SPATA7: variants seen among roughly 807,000 people sequenced by gnomAD.
SPATA7 encodes spermatogenesis-associated protein 7.
A neutral mutation model predicts 51.8 loss-of-function variants in SPATA7; 43 were observed. The observed-to-expected ratio is 0.83, with a 90% CI of 0.65 to 1.07. The LOEUF is 1.07. SPATA7 is among the 50% of genes least tolerant of loss of function. The probability of loss-of-function intolerance (pLI) is 0.00; values close to 1 mark genes in which losing one functional copy is unlikely to be tolerated. For missense variants in SPATA7, 683 were observed against 701.3 expected, an observed-to-expected ratio of 0.97 and a Z score of 0.30; for synonymous variants, 230 against 252.8, an observed-to-expected ratio of 0.91 and a Z score of 0.86.
intron 4 of SPATA7, chr14:88,406,564 C>A (rs949494031): frequency 6.6e-6 from 1 of 151,664 alleles, no homozygotes; most frequent in Non-Finnish European, 1.5e-5. Context: ...CATTTGTATA[C>A]AGTTTCTTTA....
chr14:88,459,524 G>C (rs1171052119), downstream of SPATA7, among the ~76,000 whole-genome samples: 1 of 152,120 alleles, frequency 6.6e-6, no homozygotes, highest in African/African-American at 2.4e-5. Context: ...TGTTTTATCA[G>C]AGACTAGGAT....
Position 88,429,328 on chromosome 14 carries a change from T to A in SPATA7, c.913-20T>A, listed in dbSNP as rs1471193378. 2 of 1,472,876 alleles carry A rather than the reference T, an allele frequency of 1.4e-6. No individual in the cohort carries two copies. The allele number at this position is 1,472,876 out of a possible 1,614,324, so 91.2% of individuals were successfully genotyped here. Reference sequence around the variant, plus strand: ...TGTATTTTTAAGCAAAAATAAATATTTTTTTTATTGCATCCCCAGGCATCT... The same window carrying A: ...TGTATTTTTAAGCAAAAATAAATATATTTTTTATTGCATCCCCAGGCATCT... On this transcript the variant is annotated intron_variant, in intron 7 of 11. Transcript: ENST00000393545.
intron 4 of SPATA7, among the ~76,000 whole-genome samples, chr14:88,461,145 A>C (rs930949126): frequency 3.3e-5 from 5 of 152,048 alleles, no homozygotes; most frequent in Admixed American, 1.3e-4. Flanking sequence ...CAGTTAGGCT[A>C]CTCGGGGGTC....
chr14:88,437,909 GCAAA>G lies in SPATA7; in HGVS notation c.1288_1291del (p.Gln430MetfsTer6). 1 of 1,611,936 alleles carries G rather than the reference GCAAA, an allele frequency of 6.2e-7. No individual in the cohort carries two copies. Among genetic ancestry groups the G allele is most frequent in the Non-Finnish European group, 8.5e-7 (1 of 1,178,814 alleles). On this transcript the variant is annotated frameshift_variant, in exon 12 of 12. Coordinates refer to ENST00000393545, the MANE Select transcript of SPATA7 (RefSeq NM_018418.5). LOFTEE classifies it low-confidence loss of function (END_TRUNC). Reference sequence around the variant, plus strand: ...GCACATCGGAGGAAAACTCGGTAAAGCAAAATGATGTTGATATGTTGAATGTATT... The same window carrying G: ...GCACATCGGAGGAAAACTCGGTAAAGATGATGTTGATATGTTGAATGTATT...
rs2077427490 is a variant in SPATA7, at chr14:88,469,735, T to C, written c.255-112T>C. On this transcript the variant is annotated intron_variant, in intron 4 of 4. Coordinates refer to the SPATA7 transcript ENST00000556406. The surrounding 1 kb of genome is among the most constrained non-coding windows in gnomAD (Gnocchi z 4.3). ...AAAGCTCTTCTCCCTTCCACCCTCC[T>C]GTTAAAGATGAGCATGGTTAAATGA... 6.2e-7 allele frequency: 1 copy of C among 1,613,820 alleles called. No homozygotes were observed. Among genetic ancestry groups the C allele is most frequent in the Non-Finnish European group, 8.5e-7 (1 of 1,179,720 alleles).
chr14:88,455,635 T>G (rs1026158114), downstream of SPATA7, among the ~76,000 whole-genome samples: 1 of 152,146 alleles, frequency 6.6e-6, no homozygotes, highest in African/African-American at 2.4e-5. Context: ...TATAAACTTT[T>G]ACATTATTGA....
chr14:88,469,099 A>T lies in SPATA7; in HGVS notation c.255-748A>T. 6.3e-7 allele frequency: 1 copy of T among 1,599,332 alleles called. No individual in the cohort carries two copies. The highest frequency in any genetic ancestry group is 1.1e-5 in the South Asian group (1 of 89,934). On this transcript the variant is annotated intron_variant, in intron 4 of 4. Transcript: ENST00000556406. The surrounding 1 kb of genome is among the most constrained non-coding windows in gnomAD (Gnocchi z 4.3). ...ATGCTGTGGAAAATCAATGAAATAG[A>T]AAAGTACTCAAGGATCAAGGCGTAT...
At chr14:88,456,079 T>C (rs565025001), downstream of SPATA7, among the ~76,000 whole-genome samples, 1 of 152,282 alleles carries the variant, frequency 6.6e-6, no homozygotes, top group African/African-American at 2.4e-5. Flanking sequence ...GGCTGCATAG[T>C]ATTCCATGGT....
chr14:88,397,169 C>T (rs562492637), intron 4 of SPATA7, among the ~76,000 whole-genome samples: 10 of 152,260 alleles, frequency 6.6e-5, no homozygotes, highest in East Asian at 1.9e-4. Context: ...GGATTATAGG[C>T]GTGAGCCACT....
At chr14:88,468,648 G>C (rs957094846) in intron 4 of SPATA7, among the ~76,000 whole-genome samples, 1 of 152,088 alleles carries the variant, frequency 6.6e-6, no homozygotes, top group Admixed American at 6.5e-5. Flanking sequence ...AACAGAAAAA[G>C]AATTCTGAGC....
At position 88,388,201 on chromosome 14, in the gene SPATA7, CA is replaced by C. The variant is rs374662310; in HGVS notation, c.19+2374del. The stretch of plus-strand genomic sequence containing the variant: ...TGGGCAACAGAGCAAGACTCCATCT[CA>C]AAAAAAAAATTGTTTTGATCTGTTG... On this transcript the variant is annotated intron_variant, in intron 1 of 11. Transcript: ENST00000393545. Among the ~76,000 whole-genome samples the C allele has an allele frequency of 5.4e-3, 811 of 149,550 alleles. 3 individuals are homozygous for C. The highest frequency in any genetic ancestry group is 0.019 in the African/African-American group (763 of 40,830).
At chr14:88,409,058 C>T (rs1422948322) in intron 4 of SPATA7, among the ~76,000 whole-genome samples, 1 of 152,042 alleles carries the variant, frequency 6.6e-6, no homozygotes, top group Non-Finnish European at 1.5e-5. Context: ...GGAATATTGG[C>T]CTGAAATTTT....
chr14:88,453,291 G>A (rs555587021), intron 3 of SPATA7, among the ~76,000 whole-genome samples: 7 of 152,316 alleles, frequency 4.6e-5, no homozygotes, highest in African/African-American at 1.7e-4. Context: ...TACTCAGAAA[G>A]TTCAGGTTCC....
intron 10 of SPATA7, among the ~76,000 whole-genome samples, 187 bp from the exon 11 acceptor site, chr14:88,437,356 T>C (rs1022148818): frequency 6.6e-6 from 1 of 152,078 alleles, no homozygotes; most frequent in Non-Finnish European, 1.5e-5. Context: ...TTCAGAAATA[T>C]GTAATGTGAA....
At chr14:88,417,256 C>A (rs1408077226) in intron 5 of SPATA7, among the ~76,000 whole-genome samples, 2 of 148,744 alleles carry the variant, frequency 1.3e-5, no homozygotes, top group Non-Finnish European at 3.0e-5. Context: ...TTTTGCATCT[C>A]TTGGAATGAT....
Position 88,391,403 on chromosome 14 carries a change from C to T in SPATA7, c.42C>T (p.Pro14=). The T allele has an allele frequency of 6.2e-7, 1 of 1,613,182 alleles. No homozygotes were observed. The highest frequency in any genetic ancestry group is 1.1e-5 in the South Asian group (1 of 90,974). Reference sequence around the variant, plus strand: ...AAGTCAGAGCAACCTCTGTCCTTCCCAGATATGGTCCACCGTGCCTATTTA... The same window carrying T: ...AAGTCAGAGCAACCTCTGTCCTTCCTAGATATGGTCCACCGTGCCTATTTA... ...SRRVRATSVL[P]RYGPPCLFKG... is the part of the protein sequence containing the mutation. The change falls in exon 2 of 12, where the codon CCC becomes CCT. Residue 14 remains proline (P), a synonymous_variant. Transcript: ENST00000393545.
chr14:88,437,542 G>A lies in SPATA7; in HGVS notation c.1161-1G>A. 4 of 1,608,186 alleles carry A rather than the reference G, an allele frequency of 2.5e-6. No individual in the cohort carries two copies. Among genetic ancestry groups the A allele is most frequent in the Non-Finnish European group, 3.4e-6 (4 of 1,175,828 alleles). ...TTAACATTTTTGTTTATCATTTGTA[G>A]GTTTTTAGAACGACTGTTCGAGCGA... On this transcript the variant is annotated splice_acceptor_variant, in intron 10 of 11. Transcript: ENST00000393545. LOFTEE classifies it high-confidence loss of function.
chr14:88,448,622 A>G (rs906829906), intron 3 of SPATA7, among the ~76,000 whole-genome samples: 4 of 151,896 alleles, frequency 2.6e-5, no homozygotes, highest in African/African-American at 9.7e-5. Flanking sequence ...GGTTTTATCT[A>G]CTTTTGGTCT....
intron 3 of SPATA7, among the ~76,000 whole-genome samples, chr14:88,444,760 G>C (rs1395236841): frequency 1.3e-5 from 2 of 152,144 alleles, no homozygotes; most frequent in Non-Finnish European, 2.9e-5. Flanking sequence ...CCCATTGCTT[G>C]TTTTCCTCAG....
Sources: allele counts gnomAD v4.1 joint callset (sites outside exome capture counted in the v4.1 genomes callset), GRCh38; gene constraint gnomAD v4.1.1; non-coding constraint Gnocchi (gnomAD v3.1); transcripts MANE v1.5; gene names NCBI Gene and HGNC (gene_info 2026-07-23, HGNC 2026-07-21).